Variants in ZNRF3 observed in about 807,000 individuals in gnomAD.
ZNRF3 encodes the protein E3 ubiquitin-protein ligase ZNRF3.
ZNRF3 carries 23 observed loss-of-function variants against 72.5 expected under a neutral mutation model. The ratio of observed to expected loss-of-function variants is 0.32; its 90% CI spans 0.23 to 0.45. ZNRF3 has a LOEUF of 0.45. Ranked by LOEUF, ZNRF3 falls within the 20% of genes least tolerant of loss-of-function variation. ZNRF3 has a pLI of 1.00. For missense variants in ZNRF3, 1,169 were observed against 1,272.1 expected (o/e 0.92, Z 1.23); for synonymous variants, 610 against 545.3 (o/e 1.12, Z -1.65).
Position 29,049,183 on chromosome 22 carries a change from C to T in ZNRF3, c.1016-14C>T, listed in dbSNP as rs187934471. Reference sequence around the variant, plus strand: ...CTCAGCCCTGCCTACTCTGTTTCCTCCACTTGTCTCCAGAACAAAAGGGAA... The same window carrying T: ...CTCAGCCCTGCCTACTCTGTTTCCTTCACTTGTCTCCAGAACAAAAGGGAA... On this transcript the variant is annotated splice_polypyrimidine_tract_variant and intron_variant, in intron 7 of 8. Coordinates refer to ENST00000544604, the MANE Select transcript of ZNRF3 (RefSeq NM_001206998.2). The surrounding 1 kb of genome is among the most constrained non-coding windows in gnomAD (Gnocchi z 5.2). 133 of 1,576,316 alleles carry T rather than the reference C, an allele frequency of 8.4e-5. No homozygotes were observed. The African/African-American group carries it at 1.6e-3, about 18-fold the overall frequency.
chr22:28,955,401 T>G lies in ZNRF3; in HGVS notation c.301-31675T>G, dbSNP rs140109078. On this transcript the variant is annotated intron_variant, in intron 1 of 8. Coordinates refer to ENST00000544604, the MANE Select transcript of ZNRF3 (RefSeq NM_001206998.2). ...TATTATCAAGAGTTTGTGCTAGTTA[T>G]GTTTTTCCAACCCATGTTAAAATGA... Among the ~76,000 whole-genome samples, 16 of 152,328 alleles carry G rather than the reference T, an allele frequency of 1.1e-4. No homozygotes were observed. In the East Asian group the frequency reaches 2.5e-3, roughly 24 times the overall value.
chr22:28,924,317 G>A (rs1172442563), intron 1 of ZNRF3, among the ~76,000 whole-genome samples: 1 of 152,184 alleles, frequency 6.6e-6, no homozygotes. Flanking sequence ...TCTGTTAAGA[G>A]TAATTTTTTT....
chr22:29,039,693 T>C (rs547404001), intron 2 of ZNRF3, among the ~76,000 whole-genome samples: 3 of 148,862 alleles, frequency 2.0e-5, no homozygotes, highest in Admixed American at 6.8e-5. Flanking sequence ...ATGCCTGTGA[T>C]CTCAGCACTT....
chr22:29,050,107 G>A lies in ZNRF3; in HGVS notation c.1926G>A (p.Gly642=). The A allele has an allele frequency of 6.2e-7, 1 of 1,607,872 alleles. No individual in the cohort carries two copies. Among genetic ancestry groups the A allele is most frequent in the South Asian group, 1.1e-5 (1 of 91,044 alleles). The change falls in exon 8 of 9, where the codon GGG becomes GGA. Residue 642 remains glycine (G), a synonymous_variant. Transcript: ENST00000544604. ...ELPAVHSHGA[G]RGEPWPGPAS... ...CGGCGGTGCACAGTCATGGTGCTGGGCGGGGCGAGCCTTGGCCGGGCCCTG... is the reference window on the plus strand; with the variant it reads ...CGGCGGTGCACAGTCATGGTGCTGGACGGGGCGAGCCTTGGCCGGGCCCTG...
intron 2 of ZNRF3, among the ~76,000 whole-genome samples, chr22:29,006,191 T>C (rs1225329138): frequency 1.3e-5 from 2 of 149,902 alleles, no homozygotes; most frequent in Non-Finnish European, 3.0e-5. Flanking sequence ...TTACCAGTGA[T>C]CAAGGTTCTT....
At chr22:28,960,709 A>C (rs1480078741) in intron 1 of ZNRF3, among the ~76,000 whole-genome samples, 2 of 152,168 alleles carry the variant, frequency 1.3e-5, no homozygotes, top group Non-Finnish European at 2.9e-5. Flanking sequence ...GGTCGTTTCC[A>C]GTTCCGAGTG....
intron 1 of ZNRF3, among the ~76,000 whole-genome samples, chr22:28,900,468 AG>A (rs1325830441): frequency 6.6e-6 from 1 of 152,226 alleles, no homozygotes; most frequent in African/African-American, 2.4e-5. Flanking sequence ...AATGTCTGGA[AG>A]GGAATTGATC....
chr22:29,021,395 G>C (rs752792111), intron 2 of ZNRF3, among the ~76,000 whole-genome samples: 77 of 152,290 alleles, frequency 5.1e-4, no homozygotes, highest in Admixed American at 1.3e-3. Flanking sequence ...CATGGTGAAA[G>C]GTTGTCTGTG....
intron 2 of ZNRF3, among the ~76,000 whole-genome samples, chr22:29,024,013 A>G (rs771731047): frequency 5.3e-5 from 8 of 152,214 alleles, no homozygotes; most frequent in Non-Finnish European, 5.9e-5. Context: ...ACCCTGGATC[A>G]TGACCCAGCT....
Position 29,048,595 on chromosome 22 carries a change from C to T in ZNRF3, c.1015+104C>T. On this transcript the variant is annotated intron_variant, in intron 7 of 8. Transcript: ENST00000544604. The surrounding 1 kb of genome is among the most constrained non-coding windows in gnomAD (Gnocchi z 4.9). ...CACTCAGAACCACCGTGGCACTGCC[C>T]TCTGGACTTGGAGGCCTGGCAGCCC... is the stretch of plus-strand genomic sequence containing the variant. 8.4e-7 allele frequency: 1 copy of T among 1,188,424 alleles called. No homozygotes were observed. The highest frequency in any genetic ancestry group is 1.9e-4 in the Middle Eastern group (1 of 5,172). The allele number at this position is 1,188,424 out of a possible 1,614,324, so 73.6% of individuals were successfully genotyped here.
At chr22:29,006,333 C>T (rs1474202340) in intron 2 of ZNRF3, among the ~76,000 whole-genome samples, 1 of 151,746 alleles carries the variant, frequency 6.6e-6, no homozygotes, top group Non-Finnish European at 1.5e-5. Context: ...CCTGCCTCAG[C>T]CTCCTGAGTA....
At chr22:29,022,885 T>C (rs1042876280) in intron 2 of ZNRF3, among the ~76,000 whole-genome samples, 2 of 152,206 alleles carry the variant, frequency 1.3e-5, no homozygotes, top group African/African-American at 4.8e-5. Context: ...TGGGTATAAA[T>C]GTATGGGGTA....
intron 1 of ZNRF3, among the ~76,000 whole-genome samples, chr22:28,959,844 T>G (rs1402692382): frequency 6.6e-6 from 1 of 152,136 alleles, no homozygotes; most frequent in Non-Finnish European, 1.5e-5. Context: ...AAAGAACAGG[T>G]CATGTGAGCA....
chr22:28,956,331 G>A lies in ZNRF3; in HGVS notation c.301-30745G>A, dbSNP rs141426948. ...GCTGGTGGCATGTTTTAGATTTTCC[G>A]AATGGCCTTTGTTTCCATTTCCTTT... On this transcript the variant is annotated intron_variant, in intron 1 of 8. Coordinates refer to ENST00000544604, the MANE Select transcript of ZNRF3 (RefSeq NM_001206998.2). Among the ~76,000 whole-genome samples the A allele has an allele frequency of 7.7e-3, 1,155 of 149,258 alleles. 19 individuals are homozygous for A. Among genetic ancestry groups the A allele is most frequent in the African/African-American group, 0.026 (1,072 of 40,490 alleles).
At chr22:29,016,234 A>G (rs2036434731) in intron 2 of ZNRF3, among the ~76,000 whole-genome samples, 1 of 152,210 alleles carries the variant, frequency 6.6e-6, no homozygotes, top group South Asian at 2.1e-4. Context: ...GTGTCCACTC[A>G]GCCCCTGTCA....
intron 1 of ZNRF3, among the ~76,000 whole-genome samples, chr22:28,933,803 T>TC (rs1163920211): frequency 8.1e-6 from 1 of 123,992 alleles, no homozygotes; most frequent in African/African-American, 3.0e-5. Context: ...CTCCTCCCCC[T>TC]CCCCCTCATC....
chr22:29,054,304 T>C lies in ZNRF3; in HGVS notation c.*682T>C, dbSNP rs767165756. 3 of 152,368 alleles carry C rather than the reference T, an allele frequency of 2.0e-5. No homozygotes were observed. Among genetic ancestry groups the C allele is most frequent in the Non-Finnish European group, 2.9e-5 (2 of 68,158 alleles). 9.4% of individuals were successfully genotyped at this position (152,368 alleles called of 1,614,324 possible). On this transcript the variant is annotated 3_prime_UTR_variant, in exon 9 of 9. Coordinates refer to ENST00000544604, the MANE Select transcript of ZNRF3 (RefSeq NM_001206998.2). The stretch of plus-strand genomic sequence containing the variant: ...GCAGCAGCTAGGAATAGGGTGTACA[T>C]GATCCACAGCCCTGCGGAGCCAGGT...
chr22:28,900,945 A>G (rs919843151), intron 1 of ZNRF3, among the ~76,000 whole-genome samples: 13 of 151,850 alleles, frequency 8.6e-5, no homozygotes, highest in Admixed American at 3.3e-4. Flanking sequence ...TCCTACAACA[A>G]ATTTTTTTTA....
chr22:28,910,509 G>A (rs1166201115), intron 1 of ZNRF3, among the ~76,000 whole-genome samples: 1 of 152,222 alleles, frequency 6.6e-6, no homozygotes, highest in Non-Finnish European at 1.5e-5. Flanking sequence ...GATGTTTCAA[G>A]GTGTGTCTGG....
Sources: allele counts gnomAD v4.1 joint callset (sites outside exome capture counted in the v4.1 genomes callset), GRCh38; gene constraint gnomAD v4.1.1; non-coding constraint Gnocchi (gnomAD v3.1); transcripts MANE v1.5; gene names NCBI Gene and HGNC (gene_info 2026-07-23, HGNC 2026-07-21).